Variants in C11orf65 observed in about 807,000 individuals in gnomAD.
C11orf65 encodes chromosome 11 open reading frame 65, also known as protein MFI.
Under a neutral mutation model 35.3 loss-of-function variants are expected in C11orf65, and 38 were observed. The observed-to-expected ratio is 1.08, with a 90% CI of 0.83 to 1.41. The LOEUF is 1.41. Ranked by LOEUF, C11orf65 falls within the 40% of genes most tolerant of loss-of-function variation. C11orf65 has a pLI of 0.00. For synonymous variants in C11orf65, 105 were observed against 114.4 expected (o/e 0.92, Z 0.53); for missense variants, 370 against 367.1 (o/e 1.01, Z -0.06).
At chr11:108,340,670 G>C (rs530709601) in intron 2 of C11orf65, among the ~76,000 whole-genome samples, 23 of 152,254 alleles carry the variant, frequency 1.5e-4, no homozygotes, top group South Asian at 1.2e-3. Flanking sequence ...AACTGTTAGA[G>C]TGATCCTTTT....
At chr11:108,380,771 C>A (rs117916726), downstream of C11orf65, among the ~76,000 whole-genome samples, 2,232 of 152,124 alleles carry the variant, frequency 0.015, 49 homozygotes, top group Non-Finnish European at 0.015. Context: ...TATATCAGAC[C>A]CATTCTTGTT....
chr11:108,401,628 C>T (rs2092441144), intron 6 of C11orf65, among the ~76,000 whole-genome samples: 1 of 152,114 alleles, frequency 6.6e-6, no homozygotes, highest in Admixed American at 6.6e-5. Flanking sequence ...TATGCTTCCC[C>T]CTGCACAGAT....
At chr11:108,331,575 T>C in intron 3 of C11orf65, 1 of 1,597,582 alleles carries the variant, frequency 6.3e-7, no homozygotes, top group South Asian at 1.1e-5. Flanking sequence ...AACCTGAAAA[T>C]CAAACCACAA....
rs144493885 is a variant in C11orf65, at chr11:108,331,710, C to T, written c.300-143G>A. 5.8e-5 allele frequency: 76 copies of T among 1,306,948 alleles called. No homozygotes were observed. The East Asian group carries it at 1.3e-3, about 23-fold the overall frequency. The allele number at this position is 1,306,948 out of a possible 1,614,324, so 81.0% of individuals were successfully genotyped here. A position where few individuals can be genotyped will look rare whatever the true frequency, so the allele number is the denominator to read the frequency against. ...ACATCACATAAGTTACTCATTTTCT[C>T]TCTCTAATTCCTCATAGGCCTCTGC... is the stretch of plus-strand genomic sequence containing the variant. On this transcript the variant is annotated intron_variant, in intron 3 of 3. Transcript: ENST00000524755.
chr11:108,354,934 A>C (rs664143), intron 2 of C11orf65: 61 of 1,391,488 alleles, frequency 4.4e-5, no homozygotes, highest in Non-Finnish European at 5.6e-5. Flanking sequence ...TGTGTATCTC[A>C]TCAGGAAGTC....
intron 6 of C11orf65, among the ~76,000 whole-genome samples, chr11:108,323,485 T>C (rs1367544160): frequency 6.6e-6 from 1 of 152,132 alleles, no homozygotes; most frequent in African/African-American, 2.4e-5. Flanking sequence ...TAGTGTTTGA[T>C]AGCACAATAG....
At chr11:108,392,029 C>T (rs577095635) in intron 7 of C11orf65, among the ~76,000 whole-genome samples, 2 of 152,234 alleles carry the variant, frequency 1.3e-5, no homozygotes, top group African/African-American at 4.8e-5. Flanking sequence ...GCTGGGATTA[C>T]AGGCGTGAGC....
chr11:108,387,807 C>T (rs1169774540), intron 7 of C11orf65, among the ~76,000 whole-genome samples: 3 of 152,174 alleles, frequency 2.0e-5, no homozygotes, highest in South Asian at 2.1e-4. Flanking sequence ...GGATTATAGG[C>T]GTGAGCCACT....
intron 3 of C11orf65, among the ~76,000 whole-genome samples, chr11:108,333,654 C>A (rs767015187): frequency 6.6e-6 from 1 of 152,174 alleles, no homozygotes; most frequent in African/African-American, 2.4e-5. Context: ...GGAATCTGGT[C>A]TAGTTACCCT....
intron 3 of C11orf65, among the ~76,000 whole-genome samples, chr11:108,416,693 A>C (rs2092737079): frequency 6.6e-6 from 1 of 152,020 alleles, no homozygotes; most frequent in Non-Finnish European, 1.5e-5. Flanking sequence ...ACAACAACAA[A>C]ACAAAAACAA....
chr11:108,360,232 C>T (rs1336753701), intron 2 of C11orf65, among the ~76,000 whole-genome samples: 47 of 142,544 alleles, frequency 3.3e-4, no homozygotes, highest in East Asian at 4.2e-4. Flanking sequence ...TACACTCTCC[C>T]AAGACTAAAC....
At chr11:108,438,360 T>C (rs2093097290) in intron 2 of C11orf65, among the ~76,000 whole-genome samples, 1 of 151,830 alleles carries the variant, frequency 6.6e-6, no homozygotes, top group Admixed American at 6.6e-5. Context: ...GAGACCAGCC[T>C]GGCCAACGTG....
downstream of C11orf65, chr11:108,330,516 C>T: frequency 3.1e-6 from 4 of 1,277,304 alleles, no homozygotes; most frequent in East Asian, 9.3e-5. Context: ...CTTTGTATTC[C>T]TAGCACTTGG....
intron 2 of C11orf65, among the ~76,000 whole-genome samples, chr11:108,350,871 T>C (rs2089119242): frequency 6.6e-6 from 1 of 151,750 alleles, no homozygotes; most frequent in Non-Finnish European, 1.5e-5. Context: ...CTTTGGAATA[T>C]TGTTTGGCAT....
intron 2 of C11orf65, among the ~76,000 whole-genome samples, chr11:108,436,789 T>G (rs2093065670): frequency 6.6e-6 from 1 of 151,996 alleles, no homozygotes; most frequent in Admixed American, 6.6e-5. Context: ...TAATAGAAAC[T>G]ATGGGAGACA....
At chr11:108,419,933 T>G (rs938001186) in intron 3 of C11orf65, among the ~76,000 whole-genome samples, 1 of 152,152 alleles carries the variant, frequency 6.6e-6, no homozygotes, top group African/African-American at 2.4e-5. Flanking sequence ...AGAAATAAAA[T>G]GTATCATGTT....
exon 7 of C11orf65, chr11:108,308,571 G>A (rs1022337668): frequency 2.6e-5 from 5 of 191,104 alleles, no homozygotes; most frequent in African/African-American, 9.5e-5. Flanking sequence ...TGGTCTGACT[G>A]ATGAGTACTG....
At chr11:108,330,795 T>TC (rs1455297313), downstream of C11orf65, among the ~76,000 whole-genome samples, 2 of 152,122 alleles carry the variant, frequency 1.3e-5, no homozygotes, top group Non-Finnish European at 2.9e-5. Context: ...AGGTGGGTTT[T>TC]CCCCCTGCTG....
downstream of C11orf65, chr11:108,327,630 G>A: frequency 6.3e-7 from 1 of 1,594,256 alleles, no homozygotes; most frequent in Non-Finnish European, 8.6e-7. Flanking sequence ...TTAAGATTTT[G>A]CCTTTCTTAT....
Sources: allele counts gnomAD v4.1 joint callset (sites outside exome capture counted in the v4.1 genomes callset), GRCh38; gene constraint gnomAD v4.1.1; transcripts MANE v1.5; gene names NCBI Gene and HGNC (gene_info 2026-07-23, HGNC 2026-07-21).